Variants in MGA observed in about 807,000 individuals in gnomAD.
MGA encodes MAX dimerization protein MGA.
MGA carries 40 observed loss-of-function variants against 261.1 expected under a neutral mutation model. The observed-to-expected ratio is 0.15, with a 90% CI of 0.12 to 0.20. The LOEUF is 0.20. MGA is among the 10% of genes least tolerant of loss of function. The pLI, the probability that MGA is intolerant of heterozygous loss-of-function variation, is 1.00. For synonymous variants in MGA, 1,302 were observed against 1,290.6 expected (o/e 1.01, Z -0.19); for missense variants, 3,397 against 3,630.5 (o/e 0.94, Z 1.65).
At chr15:41,754,022 A>G (rs1009962752) in intron 17 of MGA, among the ~76,000 whole-genome samples, 4 of 152,040 alleles carry the variant, frequency 2.6e-5, no homozygotes, top group African/African-American at 9.7e-5. Context: ...GGCCTCAAGC[A>G]ATCCTCCCAC....
chr15:41,660,436 G>C lies in MGA; in HGVS notation c.-157G>C, dbSNP rs1039814564. 2.6e-5 allele frequency: 4 copies of C among 152,598 alleles called. No homozygotes were observed. Among genetic ancestry groups the C allele is most frequent in the African/African-American group, 2.4e-5 (1 of 41,450 alleles). 9.5% of individuals were successfully genotyped at this position (152,598 alleles called of 1,614,324 possible). A position where few individuals can be genotyped will look rare whatever the true frequency, so the allele number is the denominator to read the frequency against. On this transcript the variant is annotated 5_prime_UTR_variant, in exon 1 of 24. Transcript: ENST00000219905. The stretch of plus-strand genomic sequence containing the variant: ...TGCGCGCGCGCAGGCTCTTCAGCTG[G>C]AGCGGACACACGGTGTGCGAACCGA...
intron 5 of MGA, among the ~76,000 whole-genome samples, chr15:41,702,137 T>C (rs893653186): frequency 4.6e-5 from 7 of 152,020 alleles, no homozygotes; most frequent in African/African-American, 1.7e-4. Context: ...CTGGCCAACG[T>C]GGCGAAACTC....
rs1015686941 is a variant in MGA, at chr15:41,760,488, C to T, written c.7357C>T (p.Leu2453Phe). ...GAAATTAAAGATCACATTGGGATTACTTCATTCTTCCAAGGTTTCCAAAAG... is the reference window on the plus strand; with the variant it reads ...GAAATTAAAGATCACATTGGGATTATTTCATTCTTCCAAGGTTTCCAAAAG... Residue 2453 changes from leucine to phenylalanine, a missense_variant, in exon 20 of 24, where the codon CTT becomes TTT. Transcript: ENST00000219905. 1 of 1,613,882 alleles carries T rather than the reference C, an allele frequency of 6.2e-7. No individual in the cohort carries two copies. Among genetic ancestry groups the T allele is most frequent in the African/African-American group, 1.3e-5 (1 of 74,920 alleles).
chr15:41,702,609 T>C (rs776735109), intron 5 of MGA, among the ~76,000 whole-genome samples: 8 of 152,234 alleles, frequency 5.3e-5, no homozygotes, highest in Non-Finnish European at 7.3e-5. Context: ...GAATTTGCTT[T>C]AAAATTGGGA....
In MGA at chr15:41,719,732, G is replaced by T. The variant is rs150045991; in HGVS notation, c.3430+6236G>T. Among the ~76,000 whole-genome samples the T allele has an allele frequency of 1.7e-3, 265 of 151,932 alleles. 1 individual carries two copies. The highest frequency in any genetic ancestry group is 6.2e-3 in the African/African-American group (255 of 41,424). ...ATCTCCAGTCTGGGTGACAGAGTGA[G>T]ACCCTGTCTCAAAAAAAAAATTAAT... On this transcript the variant is annotated intron_variant, in intron 9 of 23. Transcript: ENST00000219905.
At position 41,767,480 on chromosome 15, in the gene MGA, T is replaced by A; in HGVS notation, c.*200T>A. 1 of 609,750 alleles carries A rather than the reference T, an allele frequency of 1.6e-6. No homozygotes were observed. The highest frequency in any genetic ancestry group is 3.0e-5 in the Admixed American group (1 of 33,332). 37.8% of individuals were successfully genotyped at this position (609,750 alleles called of 1,614,324 possible). A position where few individuals can be genotyped will look rare whatever the true frequency, so the allele number is the denominator to read the frequency against. ...GAAATTCTGATCATGTTAAAATGTGTTACCTCACTTGTGGTGCTGGGTCCC... is the reference window on the plus strand; with the variant it reads ...GAAATTCTGATCATGTTAAAATGTGATACCTCACTTGTGGTGCTGGGTCCC... On this transcript the variant is annotated 3_prime_UTR_variant, in exon 24 of 24. Coordinates refer to ENST00000219905, the MANE Select transcript of MGA (RefSeq NM_001164273.2).
chr15:41,706,697 C>G (rs1439932351), intron 5 of MGA, among the ~76,000 whole-genome samples: 2 of 151,382 alleles, frequency 1.3e-5, no homozygotes, highest in Non-Finnish European at 2.9e-5. Flanking sequence ...TCTCCTGCCT[C>G]AGCCTCCTGA....
chr15:41,625,863 T>A (rs1157827868), intron 1 of MGA, among the ~76,000 whole-genome samples: 1 of 152,204 alleles, frequency 6.6e-6, no homozygotes, highest in African/African-American at 2.4e-5. Flanking sequence ...TGTGATCACA[T>A]TTTTGTAGAA....
intron 9 of MGA, chr15:41,718,539 G>A: frequency 2.1e-6 from 1 of 485,286 alleles, no homozygotes; most frequent in South Asian, 3.8e-5. Context: ...TTCTGTGTCA[G>A]AGATCTCACC....
chr15:41,763,343 C>T (rs560164355), intron 22 of MGA, among the ~76,000 whole-genome samples: 4 of 151,404 alleles, frequency 2.6e-5, no homozygotes, highest in Admixed American at 1.3e-4. Context: ...CCTCGTGATC[C>T]GCCCACCTCG....
chr15:41,636,395 CGTTTCTTCTGCCTCAGCCTCCCCA>C (rs1000649292), intron 1 of MGA, among the ~76,000 whole-genome samples: 79 of 151,354 alleles, frequency 5.2e-4, no homozygotes, highest in African/African-American at 1.8e-3. Flanking sequence ...CAGGTTCAAG[CGTTTCTTCTGCCTCAGCCTCCCCA>C]GTAGCTGGGA....
chr15:41,621,992 AG>A (rs1479141260), intron 1 of MGA, among the ~76,000 whole-genome samples: 5 of 118,036 alleles, frequency 4.2e-5, no homozygotes, highest in African/African-American at 1.6e-4. Context: ...GGCCGCGTGA[AG>A]GTCACATGAC....
intron 18 of MGA, among the ~76,000 whole-genome samples, chr15:41,756,308 C>G (rs959227767): frequency 6.6e-6 from 1 of 152,184 alleles, no homozygotes; most frequent in Non-Finnish European, 1.5e-5. Flanking sequence ...CCAGCAAACA[C>G]ATGTACATTT....
chr15:41,626,419 CT>C (rs999996022), intron 1 of MGA, among the ~76,000 whole-genome samples: 10 of 148,226 alleles, frequency 6.7e-5, no homozygotes, highest in Admixed American at 2.0e-4. Context: ...TCTAAAAAAA[CT>C]TTTTTTTTTA....
chr15:41,747,547 A>G (rs1175241826), intron 15 of MGA, among the ~76,000 whole-genome samples: 1 of 151,546 alleles, frequency 6.6e-6, no homozygotes, highest in Non-Finnish European at 1.5e-5. Flanking sequence ...CCTGGGCAAC[A>G]TAGCAAACTC....
At chr15:41,725,286 A>G (rs1002791696) in intron 9 of MGA, among the ~76,000 whole-genome samples, 4 of 152,208 alleles carry the variant, frequency 2.6e-5, no homozygotes, top group Non-Finnish European at 4.4e-5. Flanking sequence ...AGGCCTGGGT[A>G]ACATAGTGAG....
intron 2 of MGA, among the ~76,000 whole-genome samples, 159 bp downstream of exon 2, chr15:41,670,117 C>A (rs1469300539): frequency 2.0e-5 from 3 of 152,118 alleles, no homozygotes; most frequent in Non-Finnish European, 4.4e-5. Context: ...GAAGTGACAT[C>A]ATTTTTCTGT....
chr15:41,635,282 C>T (rs529183520), intron 1 of MGA, among the ~76,000 whole-genome samples: 2 of 152,194 alleles, frequency 1.3e-5, no homozygotes, highest in African/African-American at 2.4e-5. Context: ...CACAGTGAGT[C>T]GAGGTCCTAC....
At chr15:41,648,588 A>T (rs1194242121) in intron 1 of MGA, among the ~76,000 whole-genome samples, 2 of 152,186 alleles carry the variant, frequency 1.3e-5, no homozygotes, top group African/African-American at 4.8e-5. Context: ...TATAGGTGTT[A>T]CCCAGGTGAA....
Sources: allele counts gnomAD v4.1 joint callset (sites outside exome capture counted in the v4.1 genomes callset), GRCh38; gene constraint gnomAD v4.1.1; transcripts MANE v1.5; gene names NCBI Gene and HGNC (gene_info 2026-07-23, HGNC 2026-07-21).